Variants in GADL1 observed in about 807,000 individuals in gnomAD.
GADL1 encodes the protein GAD like acidic amino acid decarboxylase 1.
A neutral mutation model predicts 69.5 loss-of-function variants in GADL1; 71 were observed. That is an observed-to-expected ratio of 1.02 (90% CI 0.84 to 1.25). The LOEUF (loss-of-function observed/expected upper bound fraction) is 1.25. Among genes scored for constraint, GADL1 ranks in the 50% most tolerant of loss-of-function variants. The pLI is 0.00. For synonymous variants in GADL1, 254 were observed against 214.4 expected, an observed-to-expected ratio of 1.18 and a Z score of -1.62; for missense variants, 737 against 631.8, an observed-to-expected ratio of 1.17 and a Z score of -1.79.
chr3:30,773,999 C>T (rs1255681313), intron 14 of GADL1, among the ~76,000 whole-genome samples: 1 of 152,060 alleles, frequency 6.6e-6, no homozygotes, highest in African/African-American at 2.4e-5. Flanking sequence ...TTCCTAACTC[C>T]TCTGGCCCAA....
At chr3:30,757,423 C>T (rs941885443) in intron 14 of GADL1, among the ~76,000 whole-genome samples, 3 of 152,048 alleles carry the variant, frequency 2.0e-5, no homozygotes, top group African/African-American at 7.2e-5. Flanking sequence ...GGACAATTCG[C>T]ATGGAAAGTG....
intron 14 of GADL1, among the ~76,000 whole-genome samples, chr3:30,759,021 T>A (rs956553789): frequency 4.6e-5 from 7 of 152,068 alleles, no homozygotes; most frequent in Non-Finnish European, 8.8e-5. Flanking sequence ...TACCTGCACA[T>A]AATTTCAAAC....
chr3:30,869,687 C>A (rs1048519282), intron 1 of GADL1, among the ~76,000 whole-genome samples: 3 of 151,598 alleles, frequency 2.0e-5, no homozygotes, highest in African/African-American at 7.3e-5. Context: ...TTAGTCTCAT[C>A]TTGGGGTCAA....
chr3:30,850,196 C>G, intron 5 of GADL1, 85 bp from the exon 6 acceptor site: 1 of 747,402 alleles, frequency 1.3e-6, no homozygotes, highest in South Asian at 1.5e-5. Flanking sequence ...GCATGAATGG[C>G]CATGACTGCT....
At position 30,844,239 on chromosome 3, in the gene GADL1, C is replaced by G. The variant is rs1438753165; in HGVS notation, c.757G>C (p.Glu253Gln). 1.9e-6 allele frequency: 3 copies of G among 1,612,756 alleles called. No homozygotes were observed. Among genetic ancestry groups the G allele is most frequent in the Non-Finnish European group, 2.5e-6 (3 of 1,179,484 alleles). The change falls in exon 8 of 15, where the codon GAG becomes CAG. Residue 253 changes from glutamate (E) to glutamine (Q), a missense_variant. Transcript: ENST00000282538. The part of the protein sequence containing the change: ...GRGKMIPEEL[E>Q]KQVWQARKEG... ...TTTCTGGCTTGCCAGACTTGCTTCT[C>G]CAGTTCCTCAGGTATCATTTTACCT... is the stretch of plus-strand genomic sequence containing the variant.
At chr3:30,888,817 C>A (rs917156586) in intron 1 of GADL1, among the ~76,000 whole-genome samples, 1 of 151,836 alleles carries the variant, frequency 6.6e-6, no homozygotes, top group Non-Finnish European at 1.5e-5. Flanking sequence ...AGTAATGTGG[C>A]TGGTGGATCC....
chr3:30,800,842 CACACA>C, intron 12 of GADL1, 42 bp downstream of exon 12: 1 of 1,266,110 alleles, frequency 7.9e-7, no homozygotes, highest in Non-Finnish European at 1.1e-6. Context: ...CACACACACA[CACACA>C]CACAGAAAGA....
intron 14 of GADL1, among the ~76,000 whole-genome samples, chr3:30,763,791 C>T (rs1265342320): frequency 4.6e-5 from 7 of 151,192 alleles, no homozygotes; most frequent in Admixed American, 2.6e-4. Context: ...TCTATCTCTC[C>T]ATCTATAGAG....
intron 1 of GADL1, among the ~76,000 whole-genome samples, chr3:30,893,794 TTACCTGACC>T (rs1698817069): frequency 2.0e-5 from 3 of 152,108 alleles, no homozygotes; most frequent in Admixed American, 2.0e-4. Context: ...CCCAGCTGAG[TTACCTGACC>T]TACCTGTTGA....
chr3:30,796,302 C>T (rs575109512), intron 12 of GADL1, among the ~76,000 whole-genome samples: 2 of 152,078 alleles, frequency 1.3e-5, no homozygotes, highest in Admixed American at 6.6e-5. Context: ...TATGGTAGAC[C>T]GTAGACTGTC....
intron 11 of GADL1, among the ~76,000 whole-genome samples, chr3:30,808,652 C>A (rs1697298866): frequency 6.6e-6 from 1 of 152,156 alleles, no homozygotes; most frequent in Admixed American, 6.5e-5. Context: ...CTTACATTAG[C>A]CCACTACTTT....
chr3:30,830,818 G>A (rs748750155), intron 11 of GADL1, among the ~76,000 whole-genome samples: 9 of 151,808 alleles, frequency 5.9e-5, no homozygotes, highest in Non-Finnish European at 1.2e-4. Context: ...AATTTACTAT[G>A]AGCAGCACTA....
At chr3:30,786,879 AGAG>A (rs1412546364) in intron 12 of GADL1, among the ~76,000 whole-genome samples, 2 of 152,202 alleles carry the variant, frequency 1.3e-5, no homozygotes, top group Admixed American at 6.5e-5. Flanking sequence ...TCCAGCACAG[AGAG>A]GAGGACTGAT....
At chr3:30,866,772 G>T (rs1399268361) in intron 1 of GADL1, among the ~76,000 whole-genome samples, 1 of 152,016 alleles carries the variant, frequency 6.6e-6, no homozygotes, top group East Asian at 1.9e-4. Context: ...ACCTTGCCCT[G>T]TGTTTACCTG....
rs148660336 is a variant in GADL1 at position 30,867,423 on chromosome 3, CATAT to C, written c.38-5662_38-5659del. ...TAAGAACTGAAAAATTACAATACTA[CATAT>C]ATATATATATATACACATATATGTA... On this transcript the variant is annotated intron_variant, in intron 1 of 14. Transcript: ENST00000282538. Among the ~76,000 whole-genome samples, 17 of 115,096 alleles carry C rather than the reference CATAT, an allele frequency of 1.5e-4. 1 individual carries two copies. Among genetic ancestry groups the C allele is most frequent in the Non-Finnish European group, 2.2e-4 (11 of 49,908 alleles). The allele number at this position is 115,096 out of a possible 152,430, so 75.5% of individuals were successfully genotyped here. A position where few individuals can be genotyped will look rare whatever the true frequency, so the allele number is the denominator to read the frequency against.
rs146861638 is a variant in GADL1 at position 30,853,777 on chromosome 3, C to T, written c.428+922G>A. On this transcript the variant is annotated intron_variant, in intron 4 of 14. Coordinates refer to ENST00000282538, the MANE Select transcript of GADL1 (RefSeq NM_207359.3). ...TTTATTTTTTGAACTCATTCTTTCC[C>T]GCTCTATTCCTATCTCTTCTCTCCA... Among the ~76,000 whole-genome samples, 764 of 152,098 alleles carry T rather than the reference C, an allele frequency of 5.0e-3. 4 individuals carry two copies. The highest frequency in any genetic ancestry group is 7.7e-3 in the Non-Finnish European group (521 of 67,972).
At chr3:30,863,980 A>G (rs1216696951) in intron 1 of GADL1, among the ~76,000 whole-genome samples, 1 of 152,040 alleles carries the variant, frequency 6.6e-6, no homozygotes. Flanking sequence ...TTGTCCTCTC[A>G]CTGAAAAAGA....
intron 14 of GADL1, among the ~76,000 whole-genome samples, chr3:30,741,559 C>T (rs748662679): frequency 1.6e-4 from 24 of 152,022 alleles, no homozygotes; most frequent in Non-Finnish European, 7.4e-5. Flanking sequence ...ATATTCAGTT[C>T]CTAGAGAACT....
intron 11 of GADL1, among the ~76,000 whole-genome samples, chr3:30,820,094 A>T (rs1697545622): frequency 6.6e-6 from 1 of 151,922 alleles, no homozygotes; most frequent in South Asian, 2.1e-4. Flanking sequence ...TATTATGTAC[A>T]TGGAGGCAAA....
Sources: allele counts gnomAD v4.1 joint callset (sites outside exome capture counted in the v4.1 genomes callset), GRCh38; gene constraint gnomAD v4.1.1; transcripts MANE v1.5; gene names NCBI Gene and HGNC (gene_info 2026-07-23, HGNC 2026-07-21).